WNT9B: variants seen among roughly 807,000 people sequenced by gnomAD.
The protein encoded by WNT9B is Wnt family member 9B.
Under a neutral mutation model 30.2 loss-of-function variants are expected in WNT9B, and 12 were observed. The observed-to-expected ratio is 0.40, with a 90% CI of 0.26 to 0.64. WNT9B has a LOEUF of 0.64. Ranked by LOEUF, WNT9B falls within the 30% of genes least tolerant of loss-of-function variation. The pLI, the probability that WNT9B is intolerant of heterozygous loss-of-function variation, is 0.42. For missense variants in WNT9B, 442 were observed against 485.2 expected, an observed-to-expected ratio of 0.91 and a Z score of 0.84; for synonymous variants, 218 against 216.9, an observed-to-expected ratio of 1.01 and a Z score of -0.05.
chr17:46,874,581 T>TA (rs2085311537), intron 2 of WNT9B, among the ~76,000 whole-genome samples: 1 of 152,254 alleles, frequency 6.6e-6, no homozygotes, highest in African/African-American at 2.4e-5. Context: ...ATTTATAAAT[T>TA]AAAAAAATTT....
At chr17:46,881,263 C>T (rs897652302), downstream of WNT9B, among the ~76,000 whole-genome samples, 6 of 152,250 alleles carry the variant, frequency 3.9e-5, no homozygotes. Context: ...CAGTCCAGCC[C>T]TGCAGGGGCC....
intron 1 of WNT9B, among the ~76,000 whole-genome samples, chr17:46,853,794 C>T (rs921712783): frequency 1.1e-4 from 17 of 152,066 alleles, no homozygotes; most frequent in African/African-American, 4.1e-4. Context: ...CTCATTTCCA[C>T]GATTCATTTG....
At chr17:46,836,893 C>A (rs1158550800) in intron 1 of WNT9B, among the ~76,000 whole-genome samples, 1 of 152,066 alleles carries the variant, frequency 6.6e-6, no homozygotes, top group African/African-American at 2.4e-5. Context: ...GTAAATGAAC[C>A]CTTTGCTTTA....
At chr17:46,869,922 C>T (rs1023188167) in intron 1 of WNT9B, among the ~76,000 whole-genome samples, 3 of 152,024 alleles carry the variant, frequency 2.0e-5, no homozygotes, top group Non-Finnish European at 4.4e-5. Context: ...TTGCTTGAAC[C>T]CGGGAAGTGG....
upstream of WNT9B, among the ~76,000 whole-genome samples, chr17:46,847,670 C>T (rs367667685): frequency 4.6e-5 from 7 of 152,130 alleles, no homozygotes; most frequent in South Asian, 2.1e-4. Context: ...CACCTTCCCT[C>T]GGAGCTGCTG....
In WNT9B at chr17:46,877,878, C is replaced by G. The variant is rs1339010374; in HGVS notation, c.*1160C>G. ...GCTAAGCCTGGCTCCTGGGTAGCCT[C>G]CTTCAGTTCCTAATGGCCTCTCACT... On this transcript the variant is annotated 3_prime_UTR_variant, in exon 4 of 4. Transcript: ENST00000290015. 6.6e-6 allele frequency among the ~76,000 whole-genome samples: 1 copy of G among 152,226 alleles called. No individual in the cohort carries two copies. The highest frequency in any genetic ancestry group is 1.5e-5 in the Non-Finnish European group (1 of 68,034).
At chr17:46,856,637 C>T (rs1568121600) in intron 1 of WNT9B, among the ~76,000 whole-genome samples, 1 of 151,998 alleles carries the variant, frequency 6.6e-6, no homozygotes, top group African/African-American at 2.4e-5. Context: ...GTGTGCGCCA[C>T]CATGCCCAGC....
chr17:46,851,762 C>A lies in WNT9B; in HGVS notation c.77+47C>A. 1 of 1,018,588 alleles carries A rather than the reference C, an allele frequency of 9.8e-7. No homozygotes were observed. The highest frequency in any genetic ancestry group is 1.3e-6 in the Non-Finnish European group (1 of 784,790). The allele number at this position is 1,018,588 out of a possible 1,614,324, so 63.1% of individuals were successfully genotyped here. A position where few individuals can be genotyped will look rare whatever the true frequency, so the allele number is the denominator to read the frequency against. On this transcript the variant is annotated intron_variant, in intron 1 of 3. Coordinates refer to ENST00000290015, the MANE Select transcript of WNT9B (RefSeq NM_003396.3). The surrounding 1 kb of genome is among the most constrained non-coding windows in gnomAD (Gnocchi z 4.3). ...CGCCCGCTCCCCGGCCTGCCTGTCT[C>A]TCCCTCCTGCGCTACAGCTGGGCCA...
At chr17:46,881,988 T>A (rs2085428904), downstream of WNT9B, among the ~76,000 whole-genome samples, 1 of 152,138 alleles carries the variant, frequency 6.6e-6, no homozygotes, top group Admixed American at 6.5e-5. Flanking sequence ...TCCCTCAAAA[T>A]GTCCTTTATA....
chr17:46,843,702 C>G (rs916895059), intron 1 of WNT9B, among the ~76,000 whole-genome samples: 1 of 152,220 alleles, frequency 6.6e-6, no homozygotes, highest in African/African-American at 2.4e-5. Context: ...TTGTAAAATG[C>G]TGTGAGCATT....
At chr17:46,881,768 T>C (rs2085426105), downstream of WNT9B, among the ~76,000 whole-genome samples, 7 of 152,234 alleles carry the variant, frequency 4.6e-5, no homozygotes, top group Admixed American at 4.6e-4. Context: ...AACAGCCACA[T>C]GTGCTTTCTG....
chr17:46,869,996 C>G (rs1272211861), intron 1 of WNT9B, among the ~76,000 whole-genome samples: 11 of 143,258 alleles, frequency 7.7e-5, no homozygotes, highest in Admixed American at 7.0e-5. Context: ...AAGACTGTCT[C>G]AAAAAAAAAA....
chr17:46,867,837 G>C (rs1332190998), intron 1 of WNT9B, among the ~76,000 whole-genome samples: 2 of 152,134 alleles, frequency 1.3e-5, no homozygotes, highest in African/African-American at 4.8e-5. Context: ...AGACAGGCTG[G>C]TCTGTCAAGT....
Position 46,872,793 on chromosome 17 carries a change from G to T in WNT9B, c.334+20G>T, listed in dbSNP as rs2085272737. On this transcript the variant is annotated intron_variant, in intron 2 of 3. Coordinates refer to ENST00000290015, the MANE Select transcript of WNT9B (RefSeq NM_003396.3). Reference sequence around the variant, plus strand: ...AGAGAGGTGGGGAGGAGGGCTAGGGGACGGGGAGGGCTGGGGGAAGAAGCC... The same window carrying T: ...AGAGAGGTGGGGAGGAGGGCTAGGGTACGGGGAGGGCTGGGGGAAGAAGCC... 5 of 1,360,624 alleles carry T rather than the reference G, an allele frequency of 3.7e-6. No homozygotes were observed. Among genetic ancestry groups the T allele is most frequent in the Admixed American group, 1.8e-5 (1 of 55,862 alleles). The allele number at this position is 1,360,624 out of a possible 1,614,324, so 84.3% of individuals were successfully genotyped here.
intron 1 of WNT9B, among the ~76,000 whole-genome samples, chr17:46,862,542 A>T (rs1369801608): frequency 1.3e-5 from 2 of 152,194 alleles, no homozygotes; most frequent in Admixed American, 1.3e-4. Context: ...TCTGAGCCCA[A>T]GTCACTGCGA....
At chr17:46,839,692 G>T (rs1280192445) in intron 1 of WNT9B, among the ~76,000 whole-genome samples, 2 of 148,364 alleles carry the variant, frequency 1.3e-5, no homozygotes, top group East Asian at 3.9e-4. Context: ...AGTCCCCCCC[G>T]CCAAGAGGCC....
In WNT9B at chr17:46,879,692, T is replaced by C. The variant is rs1370331883; in HGVS notation, c.*2974T>C. ...AATGAATATTTACTGAACATCTCCATAGACCAGGCACTACGGGCTGACCTG... is the reference window on the plus strand; with the variant it reads ...AATGAATATTTACTGAACATCTCCACAGACCAGGCACTACGGGCTGACCTG... On this transcript the variant is annotated 3_prime_UTR_variant, in exon 4 of 4. Transcript: ENST00000290015. Among the ~76,000 whole-genome samples, 1 of 152,222 alleles carries C rather than the reference T, an allele frequency of 6.6e-6. No individual in the cohort carries two copies. The highest frequency in any genetic ancestry group is 1.5e-5 in the Non-Finnish European group (1 of 68,044).
intron 2 of WNT9B, 21 bp downstream of exon 2, chr17:46,872,794 A>AGGGGT: frequency 7.5e-7 from 1 of 1,331,464 alleles, no homozygotes. Flanking sequence ...GGGCTAGGGG[A>AGGGGT]CGGGGAGGGC....
chr17:46,837,710 G>T (rs1347977865), intron 1 of WNT9B, among the ~76,000 whole-genome samples: 2 of 152,162 alleles, frequency 1.3e-5, no homozygotes, highest in African/African-American at 2.4e-5. Flanking sequence ...CTGGGGGAAG[G>T]TTTGGAGGGA....
Sources: gnomAD v4.1 joint callset for allele counts (sites outside exome capture counted in the v4.1 genomes callset) on GRCh38, gnomAD v4.1.1 for gene constraint, Gnocchi (gnomAD v3.1) non-coding constraint, MANE v1.5 for transcripts, NCBI Gene and HGNC (gene_info 2026-07-23, HGNC 2026-07-21) for gene names.